The following SUPT16H variants were observed in gnomAD, a reference collection of about 807,000 sequenced individuals.
The protein encoded by SUPT16H is FACT complex subunit SPT16.
Under a neutral mutation model 136.2 loss-of-function variants are expected in SUPT16H, and 24 were observed. The ratio of observed to expected loss-of-function variants is 0.18; its 90% CI spans 0.13 to 0.25. The LOEUF is 0.25. Ranked by LOEUF, SUPT16H falls within the 10% of genes least tolerant of loss-of-function variation. The probability of loss-of-function intolerance (pLI) is 1.00; values close to 1 mark genes in which losing one functional copy is unlikely to be tolerated. For synonymous variants in SUPT16H, 415 were observed against 428.2 expected, an observed-to-expected ratio of 0.97 and a Z score of 0.38; for missense variants, 623 against 1,270.2, an observed-to-expected ratio of 0.49 and a Z score of 7.74.
chr14:21,378,216 T>C (rs1049484911), intron 1 of SUPT16H, among the ~76,000 whole-genome samples: 1 of 151,762 alleles, frequency 6.6e-6, no homozygotes, highest in African/African-American at 2.4e-5. Flanking sequence ...CAGAAGAAAA[T>C]TCTATGAGTG....
chr14:21,378,843 A>T (rs755547058), intron 1 of SUPT16H, among the ~76,000 whole-genome samples: 7 of 152,224 alleles, frequency 4.6e-5, no homozygotes, highest in Non-Finnish European at 8.8e-5. Flanking sequence ...TTAAAAAACT[A>T]TATCTATTAC....
At chr14:21,359,439 A>G in intron 19 of SUPT16H, 45 bp downstream of exon 19, 3 of 1,600,054 alleles carry the variant, frequency 1.9e-6, no homozygotes, top group Non-Finnish European at 2.6e-6. Context: ...ATTTGGCCTC[A>G]TCCTCCCTCA....
At chr14:21,366,783 G>A (rs1490964458) in intron 7 of SUPT16H, among the ~76,000 whole-genome samples, 1 of 151,506 alleles carries the variant, frequency 6.6e-6, no homozygotes, top group Non-Finnish European at 1.5e-5. Context: ...CAAGTAACTG[G>A]GACTATAGGC....
At chr14:21,360,327 C>CCTT (rs2139400467) in intron 18 of SUPT16H, 88 bp downstream of exon 18, 1 of 1,084,142 alleles carries the variant, frequency 9.2e-7, no homozygotes, top group African/African-American at 1.6e-5. Context: ...CGCGCCCAGC[C>CCTT]CTTTCATCAC....
intron 1 of SUPT16H, among the ~76,000 whole-genome samples, chr14:21,376,652 G>C (rs766176324): frequency 3.9e-5 from 6 of 152,018 alleles, no homozygotes; most frequent in Non-Finnish European, 7.4e-5. Context: ...TAGTCCCTTT[G>C]TATGAGTCAA....
intron 17 of SUPT16H, 123 bp from the exon 18 acceptor site, chr14:21,360,656 T>C: frequency 2.5e-6 from 3 of 1,201,286 alleles, no homozygotes; most frequent in Non-Finnish European, 3.5e-6. Context: ...GAGCTTTCCT[T>C]TCCTTCTGGC....
intron 1 of SUPT16H, among the ~76,000 whole-genome samples, chr14:21,377,076 G>GAAAAA (rs11323425): frequency 0.043 from 4,582 of 107,034 alleles, 3 homozygotes; most frequent in Non-Finnish European, 0.058. Context: ...GAAAGAAAAA[G>GAAAAA]AAAAAAAAAA....
Position 21,352,563 on chromosome 14 carries a change from A to C in SUPT16H, c.*110T>G. On this transcript the variant is annotated 3_prime_UTR_variant, in exon 26 of 26. Transcript: ENST00000216297. ...ATGGCCCCCTAAACCCATAAACACA[A>C]ATGGCAAAACTTCAAATGAAAACGA... 1.9e-6 allele frequency: 3 copies of C among 1,559,300 alleles called. No homozygotes were observed. The South Asian group carries it at 3.5e-5, about 18-fold the overall frequency.
At chr14:21,378,522 G>A (rs909657639) in intron 1 of SUPT16H, among the ~76,000 whole-genome samples, 7 of 152,178 alleles carry the variant, frequency 4.6e-5, no homozygotes, top group Non-Finnish European at 8.8e-5. Context: ...AATGTTAACT[G>A]TGTGGGGTGG....
intron 18 of SUPT16H, among the ~76,000 whole-genome samples, chr14:21,359,862 TAGAA>T (rs1886513493): frequency 6.6e-6 from 1 of 152,204 alleles, no homozygotes; most frequent in South Asian, 2.1e-4. Context: ...AACTTCATTT[TAGAA>T]AGAGAAATCT....
At position 21,357,216 on chromosome 14, in the gene SUPT16H, G is replaced by A; in HGVS notation, c.2641C>T (p.Pro881Ser). The A allele has an allele frequency of 1.2e-6, 2 of 1,607,596 alleles. No individual in the cohort carries two copies. Among genetic ancestry groups the A allele is most frequent in the Non-Finnish European group, 1.7e-6 (2 of 1,176,866 alleles). Residue 881 changes from proline (P) to serine (S), a missense_variant, in exon 22 of 26, where the codon CCC becomes TCC. By Grantham distance (74) the Pro-to-Ser change is moderately conservative. Coordinates refer to ENST00000216297, the MANE Select transcript of SUPT16H (RefSeq NM_007192.4). ...INAIPVASLD[P>S]IKEWLNSCDL... is the part of the protein sequence containing the mutation. ...ACTTACTTCAACCATTCCTTGATGG[G>A]GTCAAGAGAGGCTACAGGAATGGCG... is the stretch of plus-strand genomic sequence containing the variant.
At position 21,357,333 on chromosome 14, in the gene SUPT16H, G is replaced by C; in HGVS notation, c.2524C>G (p.Leu842Val). 1 of 1,605,256 alleles carries C rather than the reference G, an allele frequency of 6.2e-7. No individual in the cohort carries two copies. Among genetic ancestry groups the C allele is most frequent in the Non-Finnish European group, 8.5e-7 (1 of 1,175,902 alleles). ...PFVVTLDEVE[L>V]IHFERVQFHL... ...AACTGGACCCGCTCAAAGTGGATCA[G>C]CTCTACCTCATCCAATGTCACCACA... Residue 842 changes from leucine (L) to valine (V), a missense_variant, in exon 22 of 26, where the codon CTG becomes GTG. This residue lies in a region of SUPT16H where 74 missense variants were observed against 193.8 expected (regional missense o/e 0.38). Transcript: ENST00000216297.
Position 21,352,669 on chromosome 14 carries a change from G to A in SUPT16H, c.*4C>T, listed in dbSNP as rs1260491607. Reference sequence around the variant, plus strand: ...GAATGGAGCTCAGGGCCAAAGTTCAGAAGTTACTTCCTCTTTTTCTTGGGG... The same window carrying A: ...GAATGGAGCTCAGGGCCAAAGTTCAAAAGTTACTTCCTCTTTTTCTTGGGG... On this transcript the variant is annotated 3_prime_UTR_variant, in exon 26 of 26. Coordinates refer to ENST00000216297, the MANE Select transcript of SUPT16H (RefSeq NM_007192.4). The A allele has an allele frequency of 6.2e-7, 1 of 1,613,986 alleles. No homozygotes were observed. The highest frequency in any genetic ancestry group is 8.5e-7 in the Non-Finnish European group (1 of 1,180,032).
At chr14:21,373,659 C>T (rs1002175335) in intron 1 of SUPT16H, among the ~76,000 whole-genome samples, 7 of 152,130 alleles carry the variant, frequency 4.6e-5, no homozygotes, top group African/African-American at 1.7e-4. Context: ...ATCTATGTTT[C>T]ATAGTTCAGG....
chr14:21,376,342 A>G (rs1886901009), intron 1 of SUPT16H, among the ~76,000 whole-genome samples: 1 of 152,194 alleles, frequency 6.6e-6, no homozygotes, highest in Non-Finnish European at 1.5e-5. Flanking sequence ...CTATAAAGCC[A>G]AAACACTGGT....
At chr14:21,360,144 C>T (rs1041635594) in intron 18 of SUPT16H, among the ~76,000 whole-genome samples, 8 of 152,094 alleles carry the variant, frequency 5.3e-5, no homozygotes, top group Non-Finnish European at 8.8e-5. Flanking sequence ...TTTCCTGCCT[C>T]GGCCTCTCAA....
In SUPT16H at chr14:21,353,719, T is replaced by G; in HGVS notation, c.2904A>C (p.Ser968=). The part of the protein sequence containing the change: ...EEEDSDEDYS[S]EAEESDYSKE... ...AAGACTAACCTGACTCTTCTGCTTC[T>G]GATGAATAATCTTCATCACTGTCCT... is the stretch of plus-strand genomic sequence containing the variant. Residue 968 remains serine, a synonymous_variant, in exon 24 of 26, where the codon TCA becomes TCC. Transcript: ENST00000216297. The G allele has an allele frequency of 6.2e-7, 1 of 1,613,624 alleles. No homozygotes were observed. The highest frequency in any genetic ancestry group is 1.3e-5 in the African/African-American group (1 of 75,024).
Position 21,354,469 on chromosome 14 carries a change from T to A in SUPT16H, c.2732A>T (p.Asp911Val). Residue 911 changes from aspartate to valine, a missense_variant, in exon 23 of 26, where the codon GAT becomes GTT. Physicochemically the swap from Asp to Val is radical, Grantham distance 152. Transcript: ENST00000216297. Reference sequence around the variant, plus strand: ...TTGTTCGAAGAAGCCCTCAGGGTCATCAACAATGGTCTTCATGATTTTAGT... The same window carrying A: ...TTGTTCGAAGAAGCCCTCAGGGTCAACAACAATGGTCTTCATGATTTTAGT... ...NWTKIMKTIV[D>V]DPEGFFEQGG... 2 of 1,614,218 alleles carry A rather than the reference T, an allele frequency of 1.2e-6. No individual in the cohort carries two copies. The highest frequency in any genetic ancestry group is 3.3e-4 in the Middle Eastern group (2 of 6,062).
chr14:21,380,778 T>C (rs1712082266), intron 1 of SUPT16H, among the ~76,000 whole-genome samples: 2 of 152,106 alleles, frequency 1.3e-5, no homozygotes, highest in African/African-American at 2.4e-5. Flanking sequence ...TCAAATGATA[T>C]ACAGATATGC....
Sources: allele counts gnomAD v4.1 joint callset (sites outside exome capture counted in the v4.1 genomes callset), GRCh38; gene constraint gnomAD v4.1.1; regional missense constraint gnomAD v4.1.1; transcripts MANE v1.5; gene names NCBI Gene and HGNC (gene_info 2026-07-23, HGNC 2026-07-21).